The following VDAC2 variants were observed in gnomAD, a reference collection of about 807,000 sequenced individuals.
VDAC2 encodes the protein non-selective voltage-gated ion channel VDAC2.
Under a neutral mutation model 36.6 loss-of-function variants are expected in VDAC2, and 6 were observed. That is an observed-to-expected ratio of 0.16 (90% confidence interval 0.09 to 0.32). The LOEUF (loss-of-function observed/expected upper bound fraction) is 0.32. Among genes scored for constraint, VDAC2 ranks in the 10% least tolerant of loss-of-function variants. The pLI is 1.00. For missense variants in VDAC2, 247 were observed against 346.0 expected (o/e 0.71, Z 2.27); for synonymous variants, 109 against 123.8 (o/e 0.88, Z 0.79).
At chr10:75,211,021 G>T in intron 1 of VDAC2, 83 bp downstream of exon 1, 1 of 1,036,956 alleles carries the variant, frequency 9.6e-7, no homozygotes, top group Non-Finnish European at 1.3e-6. Context: ...CTCGGAGTCG[G>T]CCCTGGCTTC....
Position 75,212,314 on chromosome 10 carries a change from T to A in VDAC2, c.100+16T>A. 1 of 1,603,328 alleles carries A rather than the reference T, an allele frequency of 6.2e-7. No homozygotes were observed. The highest frequency in any genetic ancestry group is 8.5e-7 in the Non-Finnish European group (1 of 1,174,338). On this transcript the variant is annotated intron_variant, in intron 3 of 9. Transcript: ENST00000332211. ...AAAGGATTTGGTAAGAACCTTATTT[T>A]TAAAACGTTTTAGATAAAGAGTGAA...
intron 8 of VDAC2, among the ~76,000 whole-genome samples, chr10:75,223,709 A>G (rs1289136204): frequency 1.3e-5 from 2 of 152,180 alleles, no homozygotes; most frequent in African/African-American, 4.8e-5. Flanking sequence ...GTGGCTGGCC[A>G]CCTTTAGGTA....
In VDAC2 at chr10:75,210,805, G is replaced by A; in HGVS notation, c.-159G>A. 1 of 225,130 alleles carries A rather than the reference G, an allele frequency of 4.4e-6. No homozygotes were observed. The highest frequency in any genetic ancestry group is 8.7e-6 in the Non-Finnish European group (1 of 115,202). The allele number at this position is 225,130 out of a possible 1,614,324, so 13.9% of individuals were successfully genotyped here. A position where few individuals can be genotyped will look rare whatever the true frequency, so the allele number is the denominator to read the frequency against. ...CGGGGTCCTGTCTGGGAGAGGACAG[G>A]GTTGCGGCGGGCGGAACGGTGTCTC... On this transcript the variant is annotated 5_prime_UTR_variant, in exon 1 of 10. Coordinates refer to ENST00000332211, the MANE Select transcript of VDAC2 (RefSeq NM_001391963.1).
intron 7 of VDAC2, among the ~76,000 whole-genome samples, chr10:75,221,704 C>T (rs1237187369): frequency 2.0e-5 from 3 of 152,082 alleles, no homozygotes; most frequent in African/African-American, 7.2e-5. Context: ...AAACTCCTGG[C>T]CTCAAGCGAT....
In VDAC2 at chr10:75,212,676, A is replaced by T. The variant is rs1841463383; in HGVS notation, c.100+378A>T. Among the ~76,000 whole-genome samples, 6 of 152,324 alleles carry T rather than the reference A, an allele frequency of 3.9e-5. No homozygotes were observed. In the South Asian group the frequency reaches 1.2e-3, roughly 32 times the overall value. On this transcript the variant is annotated intron_variant, in intron 3 of 9. Coordinates refer to ENST00000332211, the MANE Select transcript of VDAC2 (RefSeq NM_001391963.1). Reference sequence around the variant, plus strand: ...AGCCTGGTTGGATTACGTTACAGACATGAGCCACTGTGCCCAGCCTTGTAT... The same window carrying T: ...AGCCTGGTTGGATTACGTTACAGACTTGAGCCACTGTGCCCAGCCTTGTAT...
intron 8 of VDAC2, 27 bp downstream of exon 8, chr10:75,222,429 G>A: frequency 6.2e-7 from 1 of 1,612,598 alleles, no homozygotes; most frequent in Non-Finnish European, 8.5e-7. Context: ...ACTTAGAATG[G>A]GGGTTTTGGT....
chr10:75,211,066 C>A (rs1413529407), intron 1 of VDAC2, 68 bp from the exon 2 acceptor site: 2 of 1,436,562 alleles, frequency 1.4e-6, no homozygotes, highest in African/African-American at 1.5e-5. Flanking sequence ...GCCCCTCGCC[C>A]CTCTCTGCCC....
Position 75,221,000 on chromosome 10 carries a change from T to TA in VDAC2, c.584+30_584+31insA, listed in dbSNP as rs765278448. ...GTATTTCTTTCATAGGATACTGTGA[T>TA]GTGGGCCCTCAGAGGATGATTTTGA... is the stretch of plus-strand genomic sequence containing the variant. On this transcript the variant is annotated intron_variant, in intron 7 of 9. Coordinates refer to ENST00000332211, the MANE Select transcript of VDAC2 (RefSeq NM_001391963.1). 6.3e-6 allele frequency: 10 copies of TA among 1,586,798 alleles called. No individual in the cohort carries two copies. In the African/African-American group the frequency reaches 1.3e-4, roughly 21 times the overall value.
chr10:75,224,894 C>T (rs1841910459), intron 8 of VDAC2, among the ~76,000 whole-genome samples: 1 of 152,102 alleles, frequency 6.6e-6, no homozygotes, highest in South Asian at 2.1e-4. Flanking sequence ...AGTAGTCAGG[C>T]TTATTAATCA....
chr10:75,212,206 A>G (rs916352398), intron 2 of VDAC2, 24 bp from the exon 3 acceptor site: 3 of 1,607,278 alleles, frequency 1.9e-6, no homozygotes, highest in Non-Finnish European at 2.6e-6. Flanking sequence ...AGACATTAAC[A>G]CTGGAATGTT....
chr10:75,219,468 G>A (rs1564712260), intron 6 of VDAC2, 112 bp downstream of exon 6: 4 of 870,122 alleles, frequency 4.6e-6, no homozygotes, highest in Non-Finnish European at 7.0e-6. Flanking sequence ...TTGTGGTGGT[G>A]AAATCTCTGT....
At chr10:75,212,160 C>A in intron 2 of VDAC2, 70 bp from the exon 3 acceptor site, 2 of 1,367,620 alleles carry the variant, frequency 1.5e-6, no homozygotes, top group South Asian at 1.2e-5. Flanking sequence ...AGCAGTGGGT[C>A]ATGCTCTTGT....
intron 4 of VDAC2, chr10:75,217,799 A>G: frequency 1.4e-6 from 1 of 732,882 alleles, no homozygotes; most frequent in Non-Finnish European, 2.0e-6. Flanking sequence ...ACAGCAGAGC[A>G]ATAGTTATAC....
chr10:75,221,910 A>G (rs1162829315), intron 7 of VDAC2, among the ~76,000 whole-genome samples: 2 of 152,262 alleles, frequency 1.3e-5, no homozygotes, highest in African/African-American at 2.4e-5. Context: ...CATGCCAGCT[A>G]GGTATATAAT....
chr10:75,220,896 T>C lies in VDAC2; in HGVS notation c.510T>C (p.Ser170=). The C allele has an allele frequency of 6.2e-7, 1 of 1,613,774 alleles. No homozygotes were observed. Among genetic ancestry groups the C allele is most frequent in the Non-Finnish European group, 8.5e-7 (1 of 1,179,646 alleles). Reference sequence around the variant, plus strand: ...CTGGCTACCAGATGACCTTTGACAGTGCCAAATCAAAGCTGACAAGGAATA... The same window carrying C: ...CTGGCTACCAGATGACCTTTGACAGCGCCAAATCAAAGCTGACAAGGAATA... ...WLAGYQMTFD[S]AKSKLTRNNF... The change falls in exon 7 of 10, where the codon AGT becomes AGC. Residue 170 remains serine (S), a synonymous_variant. Transcript: ENST00000332211.
At chr10:75,212,034 C>G (rs1022286237) in intron 2 of VDAC2, among the ~76,000 whole-genome samples, 196 bp from the exon 3 acceptor site, 2 of 152,216 alleles carry the variant, frequency 1.3e-5, no homozygotes, top group African/African-American at 2.4e-5. Flanking sequence ...TCATGGTTAT[C>G]TGTTTTAGAA....
intron 8 of VDAC2, among the ~76,000 whole-genome samples, chr10:75,225,618 C>T (rs1841931011): frequency 6.6e-6 from 1 of 152,170 alleles, no homozygotes; most frequent in African/African-American, 2.4e-5. Context: ...AGCCTGGAAA[C>T]TACAAGGAAG....
At chr10:75,211,518 C>T (rs536780019) in intron 2 of VDAC2, 9 of 1,545,118 alleles carry the variant, frequency 5.8e-6, no homozygotes, top group Middle Eastern at 1.7e-4. Context: ...AAGTAGCAGT[C>T]CCTCTTGTGA....
At chr10:75,210,975 T>C in intron 1 of VDAC2, 37 bp downstream of exon 1, 1 of 601,906 alleles carries the variant, frequency 1.7e-6, no homozygotes, top group Non-Finnish European at 2.7e-6. Context: ...CCCAGGGGCC[T>C]AGGCCGCGGC....
Sources: gnomAD v4.1 joint callset for allele counts (sites outside exome capture counted in the v4.1 genomes callset) on GRCh38, gnomAD v4.1.1 for gene constraint, MANE v1.5 for transcripts, NCBI Gene and HGNC (gene_info 2026-07-23, HGNC 2026-07-21) for gene names.